Variants in ASH1L observed in about 807,000 individuals in gnomAD.
The protein encoded by ASH1L is ASH1 like histone lysine methyltransferase, also known as histone-lysine N-methyltransferase ASH1L.
Under a neutral mutation model 269.0 loss-of-function variants are expected in ASH1L, and 23 were observed. The ratio of observed to expected loss-of-function variants is 0.09; its 90% confidence interval spans 0.06 to 0.12. The LOEUF is 0.12. Among genes scored for constraint, ASH1L ranks in the 10% least tolerant of loss-of-function variants. The pLI is 1.00. For synonymous variants in ASH1L, 1,187 were observed against 1,253.5 expected (o/e 0.95, Z 1.12); for missense variants, 2,912 against 3,567.8 (o/e 0.82, Z 4.68).
chr1:155,443,194 A>G (rs1039459917), intron 4 of ASH1L, among the ~76,000 whole-genome samples: 1 of 152,198 alleles, frequency 6.6e-6, no homozygotes, highest in African/African-American at 2.4e-5. Context: ...TCCCTTCATC[A>G]ACTACTCAGA....
chr1:155,377,763 G>A (rs775175340), intron 10 of ASH1L, among the ~76,000 whole-genome samples: 1 of 152,120 alleles, frequency 6.6e-6, no homozygotes, highest in East Asian at 1.9e-4. Flanking sequence ...GGTGGCTCAC[G>A]CCTGTAATCC....
chr1:155,389,172 A>T (rs112922008), intron 7 of ASH1L, among the ~76,000 whole-genome samples: 26 of 149,350 alleles, frequency 1.7e-4, no homozygotes, highest in African/African-American at 4.5e-4. Context: ...CTCCTGGCTA[A>T]TTTTTTTCTA....
intron 2 of ASH1L, among the ~76,000 whole-genome samples, chr1:155,498,824 C>T (rs767411863): frequency 4.6e-5 from 7 of 151,668 alleles, no homozygotes; most frequent in Admixed American, 3.3e-4. Context: ...TGGCATCAGC[C>T]ACTGCGCCTG....
At chr1:155,428,478 G>GC (rs1269954901) in intron 5 of ASH1L, among the ~76,000 whole-genome samples, 1 of 151,672 alleles carries the variant, frequency 6.6e-6, no homozygotes, top group Non-Finnish European at 1.5e-5. Flanking sequence ...TTGGGAACAG[G>GC]CCCCCCAAAA....
intron 2 of ASH1L, among the ~76,000 whole-genome samples, chr1:155,502,375 T>C (rs183200840): frequency 5.3e-5 from 8 of 152,272 alleles, no homozygotes; most frequent in Admixed American, 1.3e-4. Context: ...CGGCAGATAG[T>C]GTATTCAAAA....
At chr1:155,388,384 C>T (rs1657617523) in intron 7 of ASH1L, among the ~76,000 whole-genome samples, 1 of 151,912 alleles carries the variant, frequency 6.6e-6, no homozygotes, top group African/African-American at 2.4e-5. Flanking sequence ...CTCAAGCTCC[C>T]AGGCTCAGGT....
At chr1:155,459,922 A>G in intron 3 of ASH1L, 24 bp from the exon 4 acceptor site, 1 of 1,527,950 alleles carries the variant, frequency 6.5e-7, no homozygotes, top group Non-Finnish European at 8.9e-7. Flanking sequence ...AAAAGATAGA[A>G]ATCATAGGAA....
At chr1:155,362,755 T>C (rs1267574110) in intron 12 of ASH1L, among the ~76,000 whole-genome samples, 1 of 152,142 alleles carries the variant, frequency 6.6e-6, no homozygotes, top group African/African-American at 2.4e-5. Context: ...ATATATGAAG[T>C]ATATACGCCT....
At chr1:155,502,413 T>A (rs979949569) in intron 2 of ASH1L, among the ~76,000 whole-genome samples, 1 of 152,136 alleles carries the variant, frequency 6.6e-6, no homozygotes. Context: ...AGGAAATAAA[T>A]ACTCACATTC....
At chr1:155,372,959 TC>T (rs1656096694) in intron 10 of ASH1L, among the ~76,000 whole-genome samples, 1 of 152,046 alleles carries the variant, frequency 6.6e-6, no homozygotes. Context: ...ATGCCTGTAA[TC>T]CCAGCACTTT....
chr1:155,539,990 G>A (rs1463877930), intron 1 of ASH1L, among the ~76,000 whole-genome samples: 1 of 151,920 alleles, frequency 6.6e-6, no homozygotes, highest in Non-Finnish European at 1.5e-5. Flanking sequence ...GATTCCTTGA[G>A]CCCAGGAGGT....
chr1:155,413,181 T>C (rs988391432), intron 6 of ASH1L, among the ~76,000 whole-genome samples: 1 of 152,198 alleles, frequency 6.6e-6, no homozygotes, highest in Non-Finnish European at 1.5e-5. Context: ...TTGATTTTTT[T>C]TTTCCTTAAC....
At chr1:155,532,384 A>G (rs1228640035) in intron 1 of ASH1L, among the ~76,000 whole-genome samples, 2 of 152,192 alleles carry the variant, frequency 1.3e-5, no homozygotes, top group Non-Finnish European at 2.9e-5. Context: ...ATCTAACAAT[A>G]TGTTAAAAAC....
chr1:155,349,614 G>A lies in ASH1L; in HGVS notation c.7367-18C>T, dbSNP rs890698917. The A allele has an allele frequency of 1.2e-6, 2 of 1,610,564 alleles. No homozygotes were observed. The highest frequency in any genetic ancestry group is 2.2e-5 in the East Asian group (1 of 44,726). Reference sequence around the variant, plus strand: ...GGAAGAATCTGCAAAAGAATGTGAGGTTTAGTAGAAAGATTCCACCATACA... The same window carrying A: ...GGAAGAATCTGCAAAAGAATGTGAGATTTAGTAGAAAGATTCCACCATACA... On this transcript the variant is annotated intron_variant, in intron 17 of 27. Coordinates refer to ENST00000392403, the MANE Select transcript of ASH1L (RefSeq NM_018489.3).
At chr1:155,537,381 A>AT (rs1670129730) in intron 1 of ASH1L, among the ~76,000 whole-genome samples, 1 of 152,228 alleles carries the variant, frequency 6.6e-6, no homozygotes, top group African/African-American at 2.4e-5. Flanking sequence ...GCCATACACT[A>AT]TGCCAAAGTG....
In ASH1L at chr1:155,425,421, C is replaced by A. The variant is rs578220363; in HGVS notation, c.5829-9498G>T. ...GCCTCCAGGTAGCTGGGATTACAGGCACTCACCATCATGCAGGGCTATTTT... is the reference window on the plus strand; with the variant it reads ...GCCTCCAGGTAGCTGGGATTACAGGAACTCACCATCATGCAGGGCTATTTT... On this transcript the variant is annotated intron_variant, in intron 5 of 27. Coordinates refer to ENST00000392403, the MANE Select transcript of ASH1L (RefSeq NM_018489.3). Among the ~76,000 whole-genome samples the A allele has an allele frequency of 4.0e-5, 6 of 151,030 alleles. No individual in the cohort carries two copies. The East Asian group carries it at 1.2e-3, about 30-fold the overall frequency.
chr1:155,514,609 G>T (rs1026033737), intron 2 of ASH1L, among the ~76,000 whole-genome samples: 2 of 151,926 alleles, frequency 1.3e-5, no homozygotes, highest in Non-Finnish European at 2.9e-5. Flanking sequence ...AAATTCAAGC[G>T]ATCTTCTTAT....
intron 1 of ASH1L, among the ~76,000 whole-genome samples, chr1:155,554,952 G>A (rs1236982768): frequency 6.6e-6 from 1 of 151,874 alleles, no homozygotes; most frequent in Non-Finnish European, 1.5e-5. Context: ...AGATCAGCCT[G>A]GCCAACATGG....
At chr1:155,411,646 A>C (rs1659819437) in intron 6 of ASH1L, among the ~76,000 whole-genome samples, 1 of 113,960 alleles carries the variant, frequency 8.8e-6, no homozygotes. Flanking sequence ...CTGGCTCTTA[A>C]CTCCCATAGT....
Sources: allele counts gnomAD v4.1 joint callset (sites outside exome capture counted in the v4.1 genomes callset), GRCh38; gene constraint gnomAD v4.1.1; transcripts MANE v1.5; gene names NCBI Gene and HGNC (gene_info 2026-07-23, HGNC 2026-07-21).